Variants in NR2C1 observed in about 807,000 individuals in gnomAD.
The protein encoded by NR2C1 is TR2 nuclear hormone receptor.
A neutral mutation model predicts 74.8 loss-of-function variants in NR2C1; 33 were observed. That is an observed-to-expected ratio of 0.44 (90% CI 0.33 to 0.59). NR2C1 has a LOEUF of 0.59. Among genes scored for constraint, NR2C1 ranks in the 20% least tolerant of loss-of-function variants. NR2C1 has a pLI of 0.02. For missense variants in NR2C1, 568 were observed against 715.6 expected (o/e 0.79, Z 2.35); for synonymous variants, 225 against 240.6 (o/e 0.94, Z 0.60).
intron 9 of NR2C1, among the ~76,000 whole-genome samples, chr12:95,046,006 AT>A (rs1400238931): frequency 6.6e-6 from 1 of 151,862 alleles, no homozygotes; most frequent in African/African-American, 2.4e-5. Context: ...CGCCTGGCTA[AT>A]TTTTGTATTT....
chr12:95,048,388 T>C (rs1243526810), intron 9 of NR2C1, among the ~76,000 whole-genome samples: 1 of 152,238 alleles, frequency 6.6e-6, no homozygotes, highest in Non-Finnish European at 1.5e-5. Flanking sequence ...CAACACATCA[T>C]GAATGCCAAT....
intron 4 of NR2C1, among the ~76,000 whole-genome samples, chr12:95,059,286 C>T (rs1195164765): frequency 2.1e-5 from 3 of 145,308 alleles, no homozygotes; most frequent in Admixed American, 6.9e-5. Context: ...AGGGTGACAG[C>T]GCAAGACTCC....
At chr12:95,052,139 AATGTTTATATGT>A in intron 7 of NR2C1, among the ~76,000 whole-genome samples, 196 bp from the exon 8 acceptor site, 1 of 151,994 alleles carries the variant, frequency 6.6e-6, no homozygotes, top group Non-Finnish European at 1.5e-5. Context: ...TTTCTTAAGA[AATGTTTATATGT>A]TACTTTGTTT....
intron 7 of NR2C1, among the ~76,000 whole-genome samples, chr12:95,056,528 CTT>C (rs1232247271): frequency 6.6e-6 from 1 of 152,156 alleles, no homozygotes; most frequent in East Asian, 1.9e-4. Context: ...TATTCCTACT[CTT>C]GACTCAAGTA....
At chr12:95,062,762 C>A (rs1243833909) in intron 2 of NR2C1, 24 bp from the exon 3 acceptor site, 1 of 1,540,080 alleles carries the variant, frequency 6.5e-7, no homozygotes, top group Non-Finnish European at 9.0e-7. Context: ...GAAAAATAAT[C>A]AATGAAACTC....
intron 11 of NR2C1, chr12:95,030,270 G>C (rs1869907396): frequency 3.9e-6 from 1 of 259,324 alleles, no homozygotes; most frequent in South Asian, 1.1e-4. Context: ...CTCAAATTTT[G>C]GTAATAGGAT....
chr12:95,033,088 T>C (rs1002760453), intron 10 of NR2C1, among the ~76,000 whole-genome samples: 9 of 151,458 alleles, frequency 5.9e-5, no homozygotes, highest in South Asian at 4.2e-4. Flanking sequence ...CACACCATGA[T>C]TGCATCTGTG....
chr12:95,036,656 A>G (rs57976314), intron 10 of NR2C1, among the ~76,000 whole-genome samples: 3,147 of 152,008 alleles, frequency 0.021, 102 homozygotes, highest in African/African-American at 0.072. Flanking sequence ...GATTACAGGC[A>G]GCTGCCACCA....
intron 10 of NR2C1, among the ~76,000 whole-genome samples, 164 bp from the exon 11 acceptor site, chr12:95,031,652 A>G (rs1386294004): frequency 6.6e-6 from 1 of 152,224 alleles, no homozygotes; most frequent in Non-Finnish European, 1.5e-5. Context: ...CAAAATGAGA[A>G]ATGAGGAATG....
At position 95,035,412 on chromosome 12, in the gene NR2C1, G is replaced by A. The variant is rs145930762; in HGVS notation, c.1254-3924C>T. 2.6e-3 allele frequency among the ~76,000 whole-genome samples: 398 copies of A among 152,174 alleles called. 1 individual carries two copies. The highest frequency in any genetic ancestry group is 4.3e-3 in the Non-Finnish European group (293 of 67,994). The stretch of plus-strand genomic sequence containing the variant: ...CCTCTGATTCTGAAGTTTTAAGGAG[G>A]AAACAGCTAACCAAAGTAGTTTGCT... On this transcript the variant is annotated intron_variant, in intron 10 of 13. Coordinates refer to ENST00000333003, the MANE Select transcript of NR2C1 (RefSeq NM_003297.4).
At chr12:95,030,849 A>G (rs1870007439) in intron 11 of NR2C1, 2 of 1,613,490 alleles carry the variant, frequency 1.2e-6, no homozygotes, top group South Asian at 2.2e-5. Context: ...TGTGAAATGA[A>G]TGAGGGCTGC....
chr12:95,060,155 A>C (rs193127902), intron 3 of NR2C1, among the ~76,000 whole-genome samples, 171 bp from the exon 4 acceptor site: 126 of 152,270 alleles, frequency 8.3e-4, no homozygotes, highest in South Asian at 1.7e-3. Flanking sequence ...GAACCTTTCC[A>C]CATGTAATGA....
chr12:95,039,745 C>A (rs957890552), intron 10 of NR2C1, among the ~76,000 whole-genome samples: 1 of 152,204 alleles, frequency 6.6e-6, no homozygotes, highest in African/African-American at 2.4e-5. Flanking sequence ...GATTGGCCCC[C>A]CTTAGCCTCT....
chr12:95,059,961 G>A lies in NR2C1; in HGVS notation c.309C>T (p.Asp103=). The change falls in exon 4 of 14, where the codon GAC becomes GAT. Residue 103 remains aspartate (D), a synonymous_variant. Coordinates refer to ENST00000333003, the MANE Select transcript of NR2C1 (RefSeq NM_003297.4). ...GATCAAAAACCTTATTTGGTCCTTGGTCTGGAGAATTATCTGTTAGGAGCT... is the reference window on the plus strand; with the variant it reads ...GATCAAAAACCTTATTTGGTCCTTGATCTGGAGAATTATCTGTTAGGAGCT... ...HLQLLTDNSP[D]QGPNKVFDLC... is the part of the protein sequence containing the mutation. 2 of 1,500,908 alleles carry A rather than the reference G, an allele frequency of 1.3e-6. No individual in the cohort carries two copies. The highest frequency in any genetic ancestry group is 1.8e-6 in the Non-Finnish European group (2 of 1,103,406). 93.0% of individuals were successfully genotyped at this position (1,500,908 alleles called of 1,614,324 possible).
chr12:95,028,617 ATTT>A (rs1869663407), intron 11 of NR2C1, 93 bp from the exon 12 acceptor site: 1 of 971,054 alleles, frequency 1.0e-6, no homozygotes, highest in Non-Finnish European at 1.6e-6. Flanking sequence ...ATTTTGAAAA[ATTT>A]TTTAATTCTT....
intron 8 of NR2C1, among the ~76,000 whole-genome samples, chr12:95,051,354 A>T (rs1872976112): frequency 6.6e-6 from 1 of 152,202 alleles, no homozygotes; most frequent in African/African-American, 2.4e-5. Context: ...GTATACGCCC[A>T]GACTCCCCCA....
chr12:95,058,866 C>G (rs1274561894), intron 4 of NR2C1, among the ~76,000 whole-genome samples: 2 of 151,948 alleles, frequency 1.3e-5, no homozygotes, highest in East Asian at 1.9e-4. Flanking sequence ...TGGCCTCAAG[C>G]GATCCTCCTG....
intron 2 of NR2C1, 125 bp downstream of exon 2, chr12:95,067,206 G>T: frequency 1.3e-6 from 1 of 787,280 alleles, no homozygotes; most frequent in Non-Finnish European, 2.2e-6. Context: ...TCTCTCAGTA[G>T]CTTGAAAAGC....
chr12:95,064,025 CAAAAAA>C (rs36124945), intron 2 of NR2C1, among the ~76,000 whole-genome samples: 2 of 69,498 alleles, frequency 2.9e-5, no homozygotes, highest in Non-Finnish European at 5.2e-5. Context: ...GACTCTGCCT[CAAAAAA>C]AAAAAAAAAA....
Sources: gnomAD v4.1 joint callset for allele counts (sites outside exome capture counted in the v4.1 genomes callset) on GRCh38, gnomAD v4.1.1 for gene constraint, MANE v1.5 for transcripts, NCBI Gene and HGNC (gene_info 2026-07-23, HGNC 2026-07-21) for gene names.